Variants in FANCB observed in about 807,000 individuals in gnomAD.
FANCB encodes FA complementation group B.
Under a neutral mutation model 38.9 loss-of-function variants are expected in FANCB, and 5 were observed. That is an observed-to-expected ratio of 0.13 (90% CI 0.07 to 0.27). The LOEUF (loss-of-function observed/expected upper bound fraction) is 0.27. Among genes scored for constraint, FANCB ranks in the 10% least tolerant of loss-of-function variants. The pLI is 1.00. For missense variants in FANCB, 573 were observed against 602.7 expected (o/e 0.95, Z 0.52); for synonymous variants, 236 against 215.4 (o/e 1.10, Z -0.84).
the FANCB span, among the ~76,000 whole-genome samples, chrX:14,771,706 G>A: frequency 8.9e-6 from 1 of 112,278 alleles, no homozygotes; most frequent in Non-Finnish European, 1.9e-5. Flanking sequence ...ATTTGGAATA[G>A]AAGAGGCAAT....
the FANCB span, among the ~76,000 whole-genome samples, chrX:14,726,259 A>G: frequency 1.8e-5 from 2 of 112,105 alleles, no homozygotes; most frequent in Non-Finnish European, 3.8e-5. Flanking sequence ...TTAGTCATTT[A>G]TTATAACACA....
At chrX:14,692,582 G>T in the FANCB span, among the ~76,000 whole-genome samples, 1 of 111,731 alleles carries the variant, frequency 9.0e-6, no homozygotes, top group Non-Finnish European at 1.9e-5. Flanking sequence ...CTAATTCTCA[G>T]CAAAATTCCT....
chrX:14,725,182 G>A, the FANCB span, among the ~76,000 whole-genome samples: 1 of 111,590 alleles, frequency 9.0e-6, no homozygotes, highest in Admixed American at 9.5e-5. Flanking sequence ...TTAAGTGAAT[G>A]GTACAGACTC....
chrX:14,872,810 T>A (rs1365487448), intron 1 of FANCB, among the ~76,000 whole-genome samples, 176 bp downstream of exon 1: 1 of 112,579 alleles, frequency 8.9e-6, no homozygotes, highest in East Asian at 2.8e-4. Context: ...GAAAAAAACT[T>A]CAAGCGAATG....
the FANCB span, among the ~76,000 whole-genome samples, chrX:14,797,733 T>C: frequency 9.2e-6 from 1 of 108,987 alleles, no homozygotes; most frequent in Non-Finnish European, 1.9e-5. Flanking sequence ...TCATTAAATC[T>C]AACCCACTCT....
At chrX:14,837,763 T>G (rs930156106) in intron 10 of FANCB, among the ~76,000 whole-genome samples, 1 of 112,535 alleles carries the variant, frequency 8.9e-6, no homozygotes, top group African/African-American at 3.2e-5. Context: ...AATAGCATAG[T>G]GGTGAAAGAG....
chrX:14,824,610 G>A, the FANCB span, among the ~76,000 whole-genome samples: 8 of 111,889 alleles, frequency 7.1e-5, no homozygotes, highest in Non-Finnish European at 1.3e-4. Context: ...AGTCACAGAG[G>A]TTTCTATTAA....
chrX:14,738,789 C>T, the FANCB span, among the ~76,000 whole-genome samples: 33 of 111,982 alleles, frequency 2.9e-4, 1 homozygote, highest in Admixed American at 1.9e-4. Context: ...TTCCAAGCAG[C>T]GCTAGCTTTA....
At chrX:14,691,000 T>C in the FANCB span, 11 of 584,525 alleles carry the variant, frequency 1.9e-5, no homozygotes, top group Non-Finnish European at 2.7e-5. Context: ...ACTGACTTAG[T>C]GCTCAGCTTA....
chrX:14,792,884 C>A, the FANCB span, among the ~76,000 whole-genome samples: 1 of 111,434 alleles, frequency 9.0e-6, no homozygotes, highest in Admixed American at 9.6e-5. Flanking sequence ...TGACTTATTT[C>A]TTTATATATT....
chrX:14,832,973 G>C (rs139446179), downstream of FANCB, among the ~76,000 whole-genome samples: 898 of 112,215 alleles, frequency 8.0e-3, 16 homozygotes, highest in African/African-American at 0.028. Context: ...ATTAGGCATT[G>C]TACAATCATC....
chrX:14,847,173 G>A (rs1238071419), intron 7 of FANCB, among the ~76,000 whole-genome samples: 3 of 110,119 alleles, frequency 2.7e-5, no homozygotes, highest in African/African-American at 6.6e-5. Flanking sequence ...GCAGAGTGAC[G>A]GGCAGAAGAG....
At chrX:14,818,648 C>A in the FANCB span, among the ~76,000 whole-genome samples, 1 of 110,810 alleles carries the variant, frequency 9.0e-6, no homozygotes, top group African/African-American at 3.3e-5. Context: ...ATAACGCATG[C>A]CACACATATA....
chrX:14,717,750 A>C, the FANCB span, among the ~76,000 whole-genome samples: 1 of 110,004 alleles, frequency 9.1e-6, no homozygotes, highest in Non-Finnish European at 1.9e-5. Context: ...TAAAAAAAAA[A>C]AAAAAAACCC....
chrX:14,710,579 A>T, the FANCB span, among the ~76,000 whole-genome samples: 1 of 111,789 alleles, frequency 8.9e-6, no homozygotes, highest in Non-Finnish European at 1.9e-5. Flanking sequence ...CCTAATTAAA[A>T]CCCTTAAAAA....
chrX:14,743,512 C>A, the FANCB span, among the ~76,000 whole-genome samples: 2 of 109,334 alleles, frequency 1.8e-5, no homozygotes, highest in African/African-American at 6.7e-5. Flanking sequence ...GCTATATTAC[C>A]CTCCCCTCTT....
chrX:14,763,203 T>C, the FANCB span, among the ~76,000 whole-genome samples: 1 of 112,024 alleles, frequency 8.9e-6, no homozygotes, highest in Non-Finnish European at 1.9e-5. Context: ...CAAAATATGC[T>C]GTTGTTCACC....
the FANCB span, among the ~76,000 whole-genome samples, chrX:14,793,552 G>A: frequency 2.7e-5 from 3 of 111,845 alleles, no homozygotes; most frequent in African/African-American, 3.2e-5. Flanking sequence ...AAGCTGTTAC[G>A]AAAAAAAGAT....
the FANCB span, among the ~76,000 whole-genome samples, chrX:14,816,053 A>G: frequency 5.4e-5 from 6 of 111,958 alleles, no homozygotes; most frequent in Non-Finnish European, 1.1e-4. Context: ...GAAATTACTT[A>G]ATGTATACAA....
Sources: gnomAD v4.1 joint callset for allele counts (sites outside exome capture counted in the v4.1 genomes callset) on GRCh38, gnomAD v4.1.1 for gene constraint, MANE v1.5 for transcripts, NCBI Gene and HGNC (gene_info 2026-07-23, HGNC 2026-07-21) for gene names.